The following HEG1 variants were observed in gnomAD, a reference collection of about 807,000 sequenced individuals.
HEG1 encodes protein HEG homolog 1.
In HEG1, 56 loss-of-function variants were observed where a neutral mutation model predicts 125.6. The observed-to-expected ratio is 0.45, with a 90% confidence interval of 0.36 to 0.56. HEG1 has a LOEUF of 0.56. Ranked by LOEUF, HEG1 falls within the 20% of genes least tolerant of loss-of-function variation. The probability of loss-of-function intolerance (pLI) is 0.00; values close to 1 mark genes in which losing one functional copy is unlikely to be tolerated. For missense variants in HEG1, 1,523 were observed against 1,670.0 expected, an observed-to-expected ratio of 0.91 and a Z score of 1.53; for synonymous variants, 644 against 668.5, an observed-to-expected ratio of 0.96 and a Z score of 0.57.
rs1045963496 is a variant in HEG1 at position 124,966,535 on chromosome 3, T to C, written c.*4117A>G. ...ACATGAGAACCTCAGAATGACACTT[T>C]GTTAAGGGAGGAAATGAAATGTCCC... On this transcript the variant is annotated 3_prime_UTR_variant, in exon 17 of 17. Coordinates refer to ENST00000311127, the MANE Select transcript of HEG1 (RefSeq NM_020733.2). 4 of 152,162 alleles carry C rather than the reference T, an allele frequency of 2.6e-5. No individual in the cohort carries two copies. Among genetic ancestry groups the C allele is most frequent in the Non-Finnish European group, 5.9e-5 (4 of 68,016 alleles). 9.4% of individuals were successfully genotyped at this position (152,162 alleles called of 1,614,324 possible). A position where few individuals can be genotyped will look rare whatever the true frequency, so the allele number is the denominator to read the frequency against.
At chr3:125,022,231 A>C (rs1937345605) in intron 3 of HEG1, among the ~76,000 whole-genome samples, 1 of 152,224 alleles carries the variant, frequency 6.6e-6, no homozygotes, top group Non-Finnish European at 1.5e-5. Context: ...TTTTAGGCTA[A>C]AAATAATAAA....
rs1937446726 is a variant in HEG1, at chr3:125,028,256, T to A, written c.611-749A>T. On this transcript the variant is annotated intron_variant, in intron 2 of 16. Coordinates refer to ENST00000311127, the MANE Select transcript of HEG1 (RefSeq NM_020733.2). ...CGAATCCTCCTCAAATTCACTTTAG[T>A]TATGTCACTTACTTGCTCAGAAACC... Among the ~76,000 whole-genome samples, 5 of 152,354 alleles carry A rather than the reference T, an allele frequency of 3.3e-5. No homozygotes were observed. The South Asian group carries it at 1.0e-3, about 32-fold the overall frequency.
chr3:124,974,019 T>G (rs988697701), intron 15 of HEG1, 114 bp from the exon 16 acceptor site: 48 of 709,774 alleles, frequency 6.8e-5, no homozygotes, highest in Non-Finnish European at 9.2e-5. Context: ...TTATATTTAT[T>G]TGTAGCTGCC....
intron 11 of HEG1, among the ~76,000 whole-genome samples, chr3:124,998,182 C>T (rs1052333419): frequency 1.3e-5 from 2 of 152,106 alleles, no homozygotes; most frequent in East Asian, 1.9e-4. Context: ...CAAAGGACTG[C>T]GGAGGAAGGA....
At chr3:124,980,083 T>C (rs184542960) in intron 14 of HEG1, among the ~76,000 whole-genome samples, 71 of 152,358 alleles carry the variant, frequency 4.7e-4, no homozygotes, top group African/African-American at 1.7e-3. Context: ...AGTTTCTTTT[T>C]TAACAAAAGT....
Position 125,039,052 on chromosome 3 carries a change from G to A in HEG1, c.317-9564C>T, listed in dbSNP as rs143353834. On this transcript the variant is annotated intron_variant, in intron 1 of 16. Transcript: ENST00000311127. ...GGAGATTAGACATCCCATTTCTCAGGTATCTTTTGAGCTGAAAATACCATC... is the reference window on the plus strand; with the variant it reads ...GGAGATTAGACATCCCATTTCTCAGATATCTTTTGAGCTGAAAATACCATC... Among the ~76,000 whole-genome samples, 547 of 152,276 alleles carry A rather than the reference G, an allele frequency of 3.6e-3. 4 individuals carry two copies. The highest frequency in any genetic ancestry group is 8.5e-3 in the Admixed American group (130 of 15,294).
rs796444146 is a variant in HEG1 at position 124,968,114 on chromosome 3, C to T, written c.*2538G>A. The T allele has an allele frequency of 2.3e-4, 35 of 152,504 alleles. No individual in the cohort carries two copies. Among genetic ancestry groups the T allele is most frequent in the African/African-American group, 7.7e-4 (32 of 41,560 alleles). 9.4% of individuals were successfully genotyped at this position (152,504 alleles called of 1,614,324 possible). ...GCATCTGTGCACGTGAATCACACAC[C>T]CCAGGTGCAGGGGCTGACATGGAGC... On this transcript the variant is annotated 3_prime_UTR_variant, in exon 17 of 17. Transcript: ENST00000311127.
intron 2 of HEG1, among the ~76,000 whole-genome samples, chr3:125,028,232 G>A (rs866080359): frequency 1.3e-5 from 2 of 152,178 alleles, no homozygotes; most frequent in African/African-American, 2.4e-5. Flanking sequence ...CCTGCCAGGC[G>A]AATCCTCCTC....
intron 1 of HEG1, among the ~76,000 whole-genome samples, chr3:125,051,426 GA>G: frequency 6.6e-6 from 1 of 152,188 alleles, no homozygotes; most frequent in Non-Finnish European, 1.5e-5. Flanking sequence ...GAGACCTCCT[GA>G]TATTGTGGGA....
intron 14 of HEG1, among the ~76,000 whole-genome samples, chr3:124,981,906 A>C (rs1182957531): frequency 1.4e-5 from 2 of 141,320 alleles, no homozygotes; most frequent in African/African-American, 5.5e-5. Flanking sequence ...ATATATACAC[A>C]TACATATTTT....
At chr3:124,998,927 C>G (rs532849594) in intron 11 of HEG1, among the ~76,000 whole-genome samples, 1 of 152,348 alleles carries the variant, frequency 6.6e-6, no homozygotes, top group East Asian at 1.9e-4. Flanking sequence ...GGCCATGTAT[C>G]TATTGTGCAG....
intron 6 of HEG1, among the ~76,000 whole-genome samples, chr3:125,012,082 G>A (rs1368236510): frequency 2.0e-5 from 3 of 152,144 alleles, no homozygotes; most frequent in African/African-American, 4.8e-5. Context: ...ACACTCTTTC[G>A]GAGACAAAGG....
intron 5 of HEG1, chr3:125,014,712 C>A (rs540650704): frequency 2.4e-6 from 3 of 1,261,374 alleles, no homozygotes; most frequent in African/African-American, 3.1e-5. Flanking sequence ...AGACACCCCA[C>A]CTCCGAGTGC....
rs1294006340 is a variant in HEG1, at chr3:125,008,156, C to T, written c.3193+1549G>A. On this transcript the variant is annotated intron_variant, in intron 8 of 16. Transcript: ENST00000311127. ...AATTCCTGATCTCAAGTGATCAGCCCGCCTCAGCCTGCCAAAGTGTTGGGA... is the reference window on the plus strand; with the variant it reads ...AATTCCTGATCTCAAGTGATCAGCCTGCCTCAGCCTGCCAAAGTGTTGGGA... Among the ~76,000 whole-genome samples, 17 of 152,256 alleles carry T rather than the reference C, an allele frequency of 1.1e-4. No homozygotes were observed. The East Asian group carries it at 2.7e-3, about 24-fold the overall frequency.
intron 14 of HEG1, among the ~76,000 whole-genome samples, chr3:124,982,720 C>T (rs1390283098): frequency 2.0e-5 from 3 of 152,122 alleles, no homozygotes; most frequent in Non-Finnish European, 2.9e-5. Context: ...TCTGCTTAGC[C>T]ACCCCCCTTC....
rs200434486 is a variant in HEG1 at position 124,973,819 on chromosome 3, C to A, written c.3908G>T (p.Arg1303Leu). ...AGCTTCTCGGCCCCATTCTTGTGAG[C>A]GAGGATTTTTGGGGTATTCAGCATA... The part of the protein sequence containing the change: ...SPYAEYPKNP[R>L]SQEWGREAIE... Residue 1303 changes from arginine (R) to leucine (L), a missense_variant, in exon 16 of 17, where the codon CGC (arginine) becomes CTC (leucine). Coordinates refer to ENST00000311127, the MANE Select transcript of HEG1 (RefSeq NM_020733.2). 3 of 1,613,654 alleles carry A rather than the reference C, an allele frequency of 1.9e-6. No individual in the cohort carries two copies. The highest frequency in any genetic ancestry group is 2.2e-5 in the South Asian group (2 of 91,070).
At position 125,055,661 on chromosome 3, in the gene HEG1, G is replaced by A. The variant is rs1467934611; in HGVS notation, c.230C>T (p.Thr77Ile). 3.9e-5 allele frequency: 46 copies of A among 1,174,042 alleles called. No individual in the cohort carries two copies. The highest frequency in any genetic ancestry group is 4.6e-5 in the Non-Finnish European group (44 of 950,978). The allele number at this position is 1,174,042 out of a possible 1,614,324, so 72.7% of individuals were successfully genotyped here. The change falls in exon 1 of 17, where the codon ACC becomes ATC. Residue 77 changes from threonine (T) to isoleucine (I), a missense_variant. Physicochemically the swap from Thr to Ile is moderately conservative, Grantham distance 89 (BLOSUM62 -1). Coordinates refer to ENST00000311127, the MANE Select transcript of HEG1 (RefSeq NM_020733.2). The stretch of plus-strand genomic sequence containing the variant: ...AGGGGCCCTGTAGCTGGGGCCGGGG[G>A]TCGCGGGCCCGCGGCGCTCCCGGGG... The part of the protein sequence containing the change: ...TPPRERRGPA[T>I]PGPSYRAPEP...
rs1415094044 is a variant in HEG1, at chr3:125,012,497, C to T, written c.2956+126G>A. The T allele has an allele frequency of 5.0e-6, 5 of 1,006,506 alleles. No individual in the cohort carries two copies. The South Asian group carries it at 5.2e-5, about 10-fold the overall frequency. The allele number at this position is 1,006,506 out of a possible 1,614,324, so 62.3% of individuals were successfully genotyped here. A position where few individuals can be genotyped will look rare whatever the true frequency, so the allele number is the denominator to read the frequency against. ...TGTTTCAATAGGAAGCATTTTAGGT[C>T]GCAAAACAGAAGCTATTTCAAATGC... On this transcript the variant is annotated intron_variant, in intron 6 of 16. Coordinates refer to ENST00000311127, the MANE Select transcript of HEG1 (RefSeq NM_020733.2).
Position 125,013,463 on chromosome 3 carries a change from A to T in HEG1, c.2116T>A (p.Ser706Thr). 1 of 1,613,922 alleles carries T rather than the reference A, an allele frequency of 6.2e-7. No individual in the cohort carries two copies. Among genetic ancestry groups the T allele is most frequent in the Non-Finnish European group, 8.5e-7 (1 of 1,179,860 alleles). Reference sequence around the variant, plus strand: ...GAAGACCATGGTGTGGATGCATCAGAGGTAGACTTTAGTAGATGCACAGAG... The same window carrying T: ...GAAGACCATGGTGTGGATGCATCAGTGGTAGACTTTAGTAGATGCACAGAG... ...RASVHLLKST[S>T]DASTPWSSSP... The change falls in exon 6 of 17, where the codon TCT (serine) becomes ACT (threonine). Residue 706 changes from serine to threonine, a missense_variant. Ser to Thr is a moderately conservative substitution (Grantham distance 58). Transcript: ENST00000311127.
Sources: gnomAD v4.1 joint callset for allele counts (sites outside exome capture counted in the v4.1 genomes callset) on GRCh38, gnomAD v4.1.1 for gene constraint, MANE v1.5 for transcripts, NCBI Gene and HGNC (gene_info 2026-07-23, HGNC 2026-07-21) for gene names.